Variants in MYBPC1 observed in about 807,000 individuals in gnomAD.
MYBPC1 encodes myosin-binding protein C, slow-type.
A neutral mutation model predicts 147.1 loss-of-function variants in MYBPC1; 52 were observed. The observed-to-expected ratio is 0.35, with a 90% CI of 0.28 to 0.45. The LOEUF (loss-of-function observed/expected upper bound fraction) is 0.45. Among genes scored for constraint, MYBPC1 ranks in the 20% least tolerant of loss-of-function variants. The pLI is 1.00. For missense variants in MYBPC1, 1,228 were observed against 1,440.3 expected, an observed-to-expected ratio of 0.85 and a Z score of 2.39; for synonymous variants, 477 against 475.9, an observed-to-expected ratio of 1.00 and a Z score of -0.03.
At chr12:101,666,786 A>C (rs144211685) in intron 22 of MYBPC1, 1 of 1,613,662 alleles carries the variant, frequency 6.2e-7, no homozygotes. Context: ...GAGGCTGCCT[A>C]TGATCTGCCA....
chr12:101,653,021 A>G, intron 17 of MYBPC1, 94 bp from the exon 18 acceptor site: 1 of 1,486,704 alleles, frequency 6.7e-7, no homozygotes, highest in Non-Finnish European at 9.3e-7. Flanking sequence ...ATTAGATAAA[A>G]TATTGGTTAC....
At chr12:101,616,997 A>G (rs1886255887) in intron 2 of MYBPC1, among the ~76,000 whole-genome samples, 1 of 152,208 alleles carries the variant, frequency 6.6e-6, no homozygotes, top group African/African-American at 2.4e-5. Context: ...AAATGATCAG[A>G]TTAATTGCTT....
Position 101,634,542 on chromosome 12 carries a change from T to C in MYBPC1, c.557-12T>C. 6.2e-7 allele frequency: 1 copy of C among 1,608,768 alleles called. No homozygotes were observed. Among genetic ancestry groups the C allele is most frequent in the Non-Finnish European group, 8.5e-7 (1 of 1,175,244 alleles). On this transcript the variant is annotated splice_polypyrimidine_tract_variant and intron_variant, in intron 8 of 31. Transcript: ENST00000361466. ...ATGGGTATTTATGTTATTGTTTTCT[T>C]TCCTTTCAAAGAATCTACTGGGACT... is the stretch of plus-strand genomic sequence containing the variant.
chr12:101,603,527 C>T (rs534952600), intron 1 of MYBPC1, among the ~76,000 whole-genome samples: 20 of 152,186 alleles, frequency 1.3e-4, no homozygotes, highest in African/African-American at 4.3e-4. Flanking sequence ...ATTTTTATGA[C>T]CCCACCTGGC....
chr12:101,656,336 A>G (rs1393447736), intron 18 of MYBPC1, among the ~76,000 whole-genome samples: 2 of 152,216 alleles, frequency 1.3e-5, no homozygotes, highest in Non-Finnish European at 2.9e-5. Context: ...TATGACAGAT[A>G]TTGATCGAGC....
intron 3 of MYBPC1, among the ~76,000 whole-genome samples, chr12:101,626,028 C>T (rs1037558095): frequency 3.1e-5 from 4 of 130,456 alleles, no homozygotes; most frequent in Non-Finnish European, 4.6e-5. Context: ...GCGGAGGTTG[C>T]GGTGAGCCAA....
intron 11 of MYBPC1, among the ~76,000 whole-genome samples, chr12:101,643,186 A>G (rs1044253194): frequency 2.6e-5 from 4 of 152,114 alleles, no homozygotes; most frequent in Non-Finnish European, 2.9e-5. Flanking sequence ...TAATATATCA[A>G]TCCTATTATT....
At chr12:101,670,548 G>C (rs1174476069) in intron 24 of MYBPC1, 139 bp downstream of exon 24, 4 of 780,526 alleles carry the variant, frequency 5.1e-6, no homozygotes, top group Non-Finnish European at 9.0e-6. Flanking sequence ...GAATGAAAGA[G>C]TATTGGAGAA....
intron 29 of MYBPC1, among the ~76,000 whole-genome samples, chr12:101,681,572 ATATATATATATATATATATATTTTTTTTT>A (rs1950960190): frequency 3.2e-4 from 6 of 18,666 alleles, no homozygotes; most frequent in South Asian, 3.6e-3. Flanking sequence ...ATATATATAT[ATATATATATATATATATATATTTTTTTTT>A]TTTTTTTTTT....
At chr12:101,624,320 C>T (rs919785743) in intron 3 of MYBPC1, among the ~76,000 whole-genome samples, 1 of 152,052 alleles carries the variant, frequency 6.6e-6, no homozygotes, top group African/African-American at 2.4e-5. Context: ...GTGGGTAATA[C>T]TTGTAGTAAA....
At chr12:101,639,190 C>T (rs1038870323) in intron 10 of MYBPC1, among the ~76,000 whole-genome samples, 28 of 152,184 alleles carry the variant, frequency 1.8e-4, no homozygotes, top group African/African-American at 6.5e-4. Flanking sequence ...TTGTACTCTA[C>T]ATAAAATTTC....
intron 14 of MYBPC1, 40 bp from the exon 15 acceptor site, chr12:101,649,220 G>T: frequency 6.3e-7 from 1 of 1,577,934 alleles, no homozygotes; most frequent in South Asian, 1.1e-5. Flanking sequence ...TTTCCTGAAG[G>T]ATCTTTTACA....
At chr12:101,606,850 T>G (rs552393316) in intron 1 of MYBPC1, among the ~76,000 whole-genome samples, 1 of 152,080 alleles carries the variant, frequency 6.6e-6, no homozygotes, top group Admixed American at 6.6e-5. Flanking sequence ...TGTTTTGTTT[T>G]GTTTGAGTCT....
intron 3 of MYBPC1, among the ~76,000 whole-genome samples, chr12:101,622,290 A>G (rs867475796): frequency 1.1e-3 from 174 of 152,326 alleles, no homozygotes; most frequent in African/African-American, 3.6e-3. Context: ...CCTGGTTTCT[A>G]TGAAAAATAA....
chr12:101,631,260 C>T (rs1889824360), intron 6 of MYBPC1, among the ~76,000 whole-genome samples: 6 of 151,974 alleles, frequency 3.9e-5, no homozygotes. Flanking sequence ...ATATATCATA[C>T]ATATCCATAT....
At position 101,616,518 on chromosome 12, in the gene MYBPC1, C is replaced by T. The variant is rs916745676; in HGVS notation, c.62-684C>T. ...AGATTTGAATCTCCATTCATCAGTC[C>T]GAAAAAAGAGAATGCATTCTTGAAA... On this transcript the variant is annotated intron_variant, in intron 2 of 31. Transcript: ENST00000361466. 3.9e-5 allele frequency among the ~76,000 whole-genome samples: 6 copies of T among 152,042 alleles called. 1 individual carries two copies. The South Asian group carries it at 8.3e-4, about 21-fold the overall frequency.
intron 22 of MYBPC1, among the ~76,000 whole-genome samples, chr12:101,664,932 A>G (rs1032350788): frequency 6.6e-6 from 1 of 152,176 alleles, no homozygotes; most frequent in African/African-American, 2.4e-5. Context: ...TGAGCACTCC[A>G]TTCTGTTTTT....
chr12:101,668,501 G>C (rs533577134), intron 23 of MYBPC1, among the ~76,000 whole-genome samples: 1 of 151,506 alleles, frequency 6.6e-6, no homozygotes, highest in East Asian at 2.0e-4. Flanking sequence ...TGCTCTTGTT[G>C]CCCAGGCTGG....
At chr12:101,629,622 C>T (rs1889429830) in intron 6 of MYBPC1, 78 bp downstream of exon 6, 2 of 937,350 alleles carry the variant, frequency 2.1e-6, no homozygotes, top group Admixed American at 4.1e-5. Context: ...CCTGTAATCC[C>T]AGCACTCTGG....
Sources: allele counts gnomAD v4.1 joint callset (sites outside exome capture counted in the v4.1 genomes callset), GRCh38; gene constraint gnomAD v4.1.1; transcripts MANE v1.5; gene names NCBI Gene and HGNC (gene_info 2026-07-23, HGNC 2026-07-21).